The following NMUR2 variants were observed in gnomAD, a reference collection of about 807,000 sequenced individuals.
NMUR2 encodes the protein neuromedin U receptor 2, also known as neuromedin-U receptor 2.
NMUR2 carries 24 observed loss-of-function variants against 25.1 expected under a neutral mutation model. The observed-to-expected ratio is 0.96, with a 90% CI of 0.69 to 1.34. NMUR2 has a LOEUF of 1.34. Ranked by LOEUF, NMUR2 falls within the 40% of genes most tolerant of loss-of-function variation. The pLI is 0.00. For missense variants in NMUR2, 533 were observed against 512.8 expected, an observed-to-expected ratio of 1.04 and a Z score of -0.38; for synonymous variants, 218 against 208.1, an observed-to-expected ratio of 1.05 and a Z score of -0.41.
chr5:152,398,174 T>G (rs1309484116), intron 1 of NMUR2, 30 bp from the exon 2 acceptor site: 6 of 1,500,560 alleles, frequency 4.0e-6, no homozygotes, highest in Non-Finnish European at 3.7e-6. Flanking sequence ...GGAGAGATAG[T>G]AAGAAAGAGA....
At position 152,395,474 on chromosome 5, in the gene NMUR2, C is replaced by A. The variant is rs200217677; in HGVS notation, c.922G>T (p.Val308Phe). 1.9e-6 allele frequency: 3 copies of A among 1,613,270 alleles called. No homozygotes were observed. The East Asian group carries it at 6.7e-5, about 36-fold the overall frequency. ...SESLAAVFNL[V>F]HVVSGVFFYL... ...AAGGTTTTACCTGACACCACATGGA[C>A]GAGGTTGAACACAGCAGCCAGGGAT... The change falls in exon 3 of 4, where the codon GTC (valine) becomes TTC (phenylalanine). Residue 308 changes from valine (V) to phenylalanine (F), a missense_variant. By Grantham distance (50) the Val-to-Phe change is conservative. Transcript: ENST00000255262.
Position 152,404,180 on chromosome 5 carries a change from G to A in NMUR2, c.726+208C>T, listed in dbSNP as rs185403764. Among the ~76,000 whole-genome samples the A allele has an allele frequency of 1.7e-3, 255 of 152,304 alleles. 1 individual carries two copies. Among genetic ancestry groups the A allele is most frequent in the African/African-American group, 5.8e-3 (242 of 41,554 alleles). ...TAGAGGGAAGAAAAATAGAAGACGA[G>A]CTAAAGGAAATGATAAATAGTTGTG... On this transcript the variant is annotated intron_variant, in intron 1 of 3. Transcript: ENST00000255262.
rs138249067 is a variant in NMUR2 at position 152,396,323 on chromosome 5, T to C, written c.812-739A>G. ...TAATCTTTTGGGGCTAGGGGAGAGATAAGGGTATACATGAAACAAGATTAG... is the reference window on the plus strand; with the variant it reads ...TAATCTTTTGGGGCTAGGGGAGAGACAAGGGTATACATGAAACAAGATTAG... On this transcript the variant is annotated intron_variant, in intron 2 of 3. Transcript: ENST00000255262. Among the ~76,000 whole-genome samples the C allele has an allele frequency of 5.3e-4, 81 of 152,102 alleles. 1 individual carries two copies. The East Asian group carries it at 0.015, about 28-fold the overall frequency.
chr5:152,395,128 A>C (rs902064642), intron 3 of NMUR2, among the ~76,000 whole-genome samples: 1 of 152,150 alleles, frequency 6.6e-6, no homozygotes, highest in African/African-American at 2.4e-5. Flanking sequence ...TTTCAGGGAC[A>C]TGGGTGTTTA....
At position 152,405,271 on chromosome 5, in the gene NMUR2, C is replaced by G; in HGVS notation, c.-158G>C. ...GCTGGGAGAGAGTGAGTGTTTCACCCTCCAGGTTAGGCTGCCTGGACCGCC... is the reference window on the plus strand; with the variant it reads ...GCTGGGAGAGAGTGAGTGTTTCACCGTCCAGGTTAGGCTGCCTGGACCGCC... On this transcript the variant is annotated 5_prime_UTR_variant, in exon 1 of 4. Coordinates refer to ENST00000255262, the MANE Select transcript of NMUR2 (RefSeq NM_020167.5). The G allele has an allele frequency of 2.3e-6, 2 of 863,084 alleles. No homozygotes were observed. The highest frequency in any genetic ancestry group is 3.4e-6 in the Non-Finnish European group (2 of 580,914). The allele number at this position is 863,084 out of a possible 1,614,324, so 53.5% of individuals were successfully genotyped here. A position where few individuals can be genotyped will look rare whatever the true frequency, so the allele number is the denominator to read the frequency against.
Position 152,395,499 on chromosome 5 carries a change from T to C in NMUR2, c.897A>G (p.Glu299=), listed in dbSNP as rs529011302. ...LFFSFVEEWS[E]SLAAVFNLVH... is the part of the protein sequence containing the mutation. ...CGAGGTTGAACACAGCAGCCAGGGA[T>C]TCACTCCACTCCTCCACAAAGCTGA... Residue 299 remains glutamate (E), a synonymous_variant, in exon 3 of 4, where the codon GAA becomes GAG. Transcript: ENST00000255262. The C allele has an allele frequency of 6.2e-7, 1 of 1,613,486 alleles. No homozygotes were observed. The highest frequency in any genetic ancestry group is 1.3e-5 in the African/African-American group (1 of 74,892).
chr5:152,392,325 C>G lies in NMUR2; in HGVS notation c.1114G>C (p.Val372Leu). The change falls in exon 4 of 4, where the codon GTG becomes CTG. Residue 372 changes from valine to leucine, a missense_variant. Coordinates refer to ENST00000255262, the MANE Select transcript of NMUR2 (RefSeq NM_020167.5). ...RNIFLTECHF[V>L]ELTEDIGPQF... ...GGACCTATATCTTCGGTCAGCTCCA[C>G]AAAGTGGCATTCTGTCAGGAAGATG... 1 of 1,614,018 alleles carries G rather than the reference C, an allele frequency of 6.2e-7. No homozygotes were observed.
chr5:152,398,242 CAGA>C lies in NMUR2; in HGVS notation c.727-101_727-99del, dbSNP rs2113098742. ...ATAACTCAAACGCTCATTTTGAAGA[CAGA>C]AGAACTGAGACCTAGAGAAATGTAA... On this transcript the variant is annotated intron_variant, in intron 1 of 3. Transcript: ENST00000255262. 3 of 794,702 alleles carry C rather than the reference CAGA, an allele frequency of 3.8e-6. No individual in the cohort carries two copies. In the East Asian group the frequency reaches 7.6e-5, roughly 20 times the overall value. 49.2% of individuals were successfully genotyped at this position (794,702 alleles called of 1,614,324 possible). A position where few individuals can be genotyped will look rare whatever the true frequency, so the allele number is the denominator to read the frequency against.
chr5:152,395,370 A>G, intron 3 of NMUR2, 89 bp downstream of exon 3: 1 of 1,433,304 alleles, frequency 7.0e-7, no homozygotes, highest in South Asian at 1.2e-5. Context: ...CCCGTGATAA[A>G]TTGGAGTACT....
At chr5:152,402,270 A>G (rs1046632949) in intron 1 of NMUR2, among the ~76,000 whole-genome samples, 4 of 152,150 alleles carry the variant, frequency 2.6e-5, no homozygotes, top group Non-Finnish European at 5.9e-5. Context: ...GGCAGACAGT[A>G]GGAACATTTC....
At position 152,404,481 on chromosome 5, in the gene NMUR2, C is replaced by G. The variant is rs780499629; in HGVS notation, c.633G>C (p.Trp211Cys). 21 of 1,613,980 alleles carry G rather than the reference C, an allele frequency of 1.3e-5. No homozygotes were observed. In the South Asian group the frequency reaches 2.2e-4, roughly 17 times the overall value. Residue 211 changes from tryptophan to cysteine, a missense_variant, in exon 1 of 4, where the codon TGG becomes TGC. Coordinates refer to ENST00000255262, the MANE Select transcript of NMUR2 (RefSeq NM_020167.5). ...TGACCTGGATGATGAAATTGTAGATCCACATGGGCTTGATGACCGTACAGG... is the reference window on the plus strand; with the variant it reads ...TGACCTGGATGATGAAATTGTAGATGCACATGGGCTTGATGACCGTACAGG... ...SATCTVIKPM[W>C]IYNFIIQVTS... is the part of the protein sequence containing the mutation.
Position 152,391,965 on chromosome 5 carries a change from G to T in NMUR2, c.*226C>A. ...TTGGCATGAACTAGTGAAGGGGCAT[G>T]AGGCAGTTAGGATAGTGGAAAGATA... On this transcript the variant is annotated 3_prime_UTR_variant, in exon 4 of 4. Coordinates refer to ENST00000255262, the MANE Select transcript of NMUR2 (RefSeq NM_020167.5). 2.2e-6 allele frequency: 1 copy of T among 459,942 alleles called. No homozygotes were observed. The highest frequency in any genetic ancestry group is 3.1e-5 in the South Asian group (1 of 32,204). 28.5% of individuals were successfully genotyped at this position (459,942 alleles called of 1,614,324 possible). A position where few individuals can be genotyped will look rare whatever the true frequency, so the allele number is the denominator to read the frequency against.
chr5:152,392,255 G>T lies in NMUR2; in HGVS notation c.1184C>A (p.Ala395Glu), dbSNP rs774545997. ...QSSMHNSHLP[A>E]ALSSEQMSRT... ...TGACATCTGTTCACTAGAGAGGGCT[G>T]CTGGGAGGTGAGAGTTGTGCATGGA... Residue 395 changes from alanine (A) to glutamate (E), a missense_variant, in exon 4 of 4, where the codon GCA (alanine) becomes GAA (glutamate). Ala to Glu is a moderately radical substitution (Grantham distance 107). Transcript: ENST00000255262. 3.1e-6 allele frequency: 5 copies of T among 1,613,698 alleles called. No individual in the cohort carries two copies. The Admixed American group carries it at 5.0e-5, about 16-fold the overall frequency.
At chr5:152,403,481 C>A (rs899892609) in intron 1 of NMUR2, among the ~76,000 whole-genome samples, 1 of 151,932 alleles carries the variant, frequency 6.6e-6, no homozygotes, top group African/African-American at 2.4e-5. Context: ...AATTTAGACA[C>A]CCCCCTTCTG....
Position 152,400,789 on chromosome 5 carries a change from C to T in NMUR2, c.727-2645G>A, listed in dbSNP as rs949139098. Among the ~76,000 whole-genome samples, 4 of 152,280 alleles carry T rather than the reference C, an allele frequency of 2.6e-5. No individual in the cohort carries two copies. In the East Asian group the frequency reaches 7.7e-4, roughly 29 times the overall value. ...AAAAAATATTGAGATATATTAGTCACTTCCTGCCTTGTGTTTAACAGTTCT... is the reference window on the plus strand; with the variant it reads ...AAAAAATATTGAGATATATTAGTCATTTCCTGCCTTGTGTTTAACAGTTCT... On this transcript the variant is annotated intron_variant, in intron 1 of 3. Coordinates refer to ENST00000255262, the MANE Select transcript of NMUR2 (RefSeq NM_020167.5).
chr5:152,401,569 G>C (rs1200884509), intron 1 of NMUR2, among the ~76,000 whole-genome samples: 1 of 152,078 alleles, frequency 6.6e-6, no homozygotes, highest in Admixed American at 6.5e-5. Flanking sequence ...ACCCTGTGTT[G>C]GCATGGTTGA....
At chr5:152,392,642 T>C (rs1753081511) in intron 3 of NMUR2, 141 bp from the exon 4 acceptor site, 3 of 656,912 alleles carry the variant, frequency 4.6e-6, no homozygotes, top group Non-Finnish European at 7.8e-6. Flanking sequence ...AGCATCTAAT[T>C]GAGAATACAA....
intron 1 of NMUR2, among the ~76,000 whole-genome samples, chr5:152,400,985 A>G (rs10515666): frequency 0.071 from 10,834 of 152,288 alleles, 759 homozygotes; most frequent in East Asian, 0.21. Flanking sequence ...TTAGTTTATA[A>G]TGACCTAACT....
intron 2 of NMUR2, among the ~76,000 whole-genome samples, chr5:152,397,325 C>T (rs1002580312): frequency 2.6e-5 from 4 of 152,122 alleles, no homozygotes; most frequent in Non-Finnish European, 5.9e-5. Flanking sequence ...TAACTCCTCT[C>T]ATATAGTAGT....
Sources: gnomAD v4.1 joint callset for allele counts (sites outside exome capture counted in the v4.1 genomes callset) on GRCh38, gnomAD v4.1.1 for gene constraint, MANE v1.5 for transcripts, NCBI Gene and HGNC (gene_info 2026-07-23, HGNC 2026-07-21) for gene names.